Variants in RRP12 observed in about 807,000 individuals in gnomAD.
RRP12 encodes RRP12-like protein.
Under a neutral mutation model 157.3 loss-of-function variants are expected in RRP12, and 78 were observed. The ratio of observed to expected loss-of-function variants is 0.50; its 90% confidence interval spans 0.41 to 0.60. RRP12 has a LOEUF of 0.60. Ranked by LOEUF, RRP12 falls within the 20% of genes least tolerant of loss-of-function variation. The pLI is 0.00. For synonymous variants in RRP12, 726 were observed against 670.9 expected, an observed-to-expected ratio of 1.08 and a Z score of -1.27; for missense variants, 1,521 against 1,679.9, an observed-to-expected ratio of 0.91 and a Z score of 1.65.
At chr10:97,372,961 C>T (rs1028008454) in intron 18 of RRP12, 85 bp downstream of exon 18, 1 of 1,487,748 alleles carries the variant, frequency 6.7e-7, no homozygotes, top group African/African-American at 1.4e-5. Flanking sequence ...CCCACGTGAG[C>T]CCTGGTGGGT....
chr10:97,379,473 A>G lies in RRP12; in HGVS notation c.1677-59T>C, dbSNP rs560793952. ...GAGGGGACAGCCCTGAGGGCAGTGC[A>G]TAGCATACTGAGCCCAGGACAGAGT... On this transcript the variant is annotated intron_variant, in intron 14 of 33. Transcript: ENST00000370992. 18 of 1,608,332 alleles carry G rather than the reference A, an allele frequency of 1.1e-5. No individual in the cohort carries two copies. The South Asian group carries it at 2.0e-4, about 18-fold the overall frequency.
At chr10:97,372,923 T>G in intron 18 of RRP12, 120 bp from the exon 19 acceptor site, 1 of 1,431,436 alleles carries the variant, frequency 7.0e-7, no homozygotes, top group Non-Finnish European at 9.6e-7. Context: ...AAGCCATGAC[T>G]GCTGGTATGT....
chr10:97,395,479 G>C (rs1844933115), intron 3 of RRP12, among the ~76,000 whole-genome samples: 1 of 151,660 alleles, frequency 6.6e-6, no homozygotes, highest in South Asian at 2.1e-4. Flanking sequence ...TTGATACCAT[G>C]AGACAGAGGT....
At chr10:97,368,530 G>T (rs886826397) in intron 25 of RRP12, among the ~76,000 whole-genome samples, 10 of 150,294 alleles carry the variant, frequency 6.7e-5, no homozygotes, top group Non-Finnish European at 1.3e-4. Flanking sequence ...GCTAATTTTT[G>T]TATTTTTAGT....
At chr10:97,370,382 A>G (rs1844109430) in intron 23 of RRP12, 73 bp downstream of exon 23, 5 of 1,376,490 alleles carry the variant, frequency 3.6e-6, no homozygotes, top group African/African-American at 2.9e-5. Context: ...AGCTCTCCCC[A>G]CCTTTTTTGA....
At chr10:97,356,536 T>A (rs972105406), downstream of RRP12, 2 of 152,246 alleles carry the variant, frequency 1.3e-5, no homozygotes, top group African/African-American at 2.4e-5. Context: ...AGGTGGGTGC[T>A]CCCGGGCAAG....
chr10:97,372,010 C>A (rs1335570850), intron 20 of RRP12, 63 bp downstream of exon 20: 2 of 1,177,998 alleles, frequency 1.7e-6, no homozygotes, highest in South Asian at 1.3e-5. Flanking sequence ...ACAGGCCCCA[C>A]CTTCCCACAG....
At position 97,367,137 on chromosome 10, in the gene RRP12, C is replaced by G; in HGVS notation, c.2956-5G>C. 1.2e-6 allele frequency: 2 copies of G among 1,613,614 alleles called. No homozygotes were observed. Among genetic ancestry groups the G allele is most frequent in the Middle Eastern group, 1.7e-4 (1 of 6,060 alleles). On this transcript the variant is annotated splice_polypyrimidine_tract_variant and splice_region_variant and intron_variant, in intron 25 of 33. Coordinates refer to ENST00000370992, the MANE Select transcript of RRP12 (RefSeq NM_015179.4). ...AAGCTTCCCAATGGCTTCCATCTGC[C>G]GGACAGAGCACCAGGCTTTCAGGGA...
rs781181626 is a variant in RRP12 at position 97,373,007 on chromosome 10, G to A, written c.2181+39C>T. On this transcript the variant is annotated intron_variant, in intron 18 of 33. Coordinates refer to ENST00000370992, the MANE Select transcript of RRP12 (RefSeq NM_015179.4). ...CCTCTCTGACCCTGCCCACCTGAGA[G>A]CTCCCCTCCTCCCTCCTTCCCTCCC... The A allele has an allele frequency of 2.5e-6, 4 of 1,573,660 alleles. No homozygotes were observed. In the Admixed American group the frequency reaches 7.3e-5, roughly 29 times the overall value.
In RRP12 at chr10:97,372,061, C is replaced by T; in HGVS notation, c.2343+12G>A. Reference sequence around the variant, plus strand: ...GCGTGGCTGTGTGGCGCTCCTGGCCCCCGAGGCTCACCTCTAGGTAGGGCC... The same window carrying T: ...GCGTGGCTGTGTGGCGCTCCTGGCCTCCGAGGCTCACCTCTAGGTAGGGCC... On this transcript the variant is annotated intron_variant, in intron 20 of 33. Coordinates refer to ENST00000370992, the MANE Select transcript of RRP12 (RefSeq NM_015179.4). 1 of 1,604,558 alleles carries T rather than the reference C, an allele frequency of 6.2e-7. No homozygotes were observed. The highest frequency in any genetic ancestry group is 8.5e-7 in the Non-Finnish European group (1 of 1,173,282).
intron 20 of RRP12, 165 bp from the exon 21 acceptor site, chr10:97,371,246 G>A (rs1014567809): frequency 2.8e-6 from 2 of 719,428 alleles, no homozygotes; most frequent in South Asian, 1.9e-5. Context: ...CTAACTCCTG[G>A]GCGAGGCACA....
intron 6 of RRP12, 35 bp from the exon 7 acceptor site, chr10:97,388,659 T>C (rs368509901): frequency 9.5e-5 from 153 of 1,606,542 alleles, no homozygotes; most frequent in Non-Finnish European, 1.3e-4. Flanking sequence ...CAAGGCCAGA[T>C]CAGCGTTCCA....
chr10:97,375,261 TA>T (rs11378492), intron 15 of RRP12, among the ~76,000 whole-genome samples: 32 of 137,282 alleles, frequency 2.3e-4, no homozygotes, highest in South Asian at 2.4e-4. Flanking sequence ...CCTGGCTAAC[TA>T]AAAAAAAAAA....
Position 97,381,834 on chromosome 10 carries a change from G to A in RRP12, c.1209-8C>T. On this transcript the variant is annotated splice_polypyrimidine_tract_variant and splice_region_variant and intron_variant, in intron 10 of 33. Transcript: ENST00000370992. ...CCCAGGTCCCACTGCAACCTGTCAA[G>A]ACAAAAGGTTTCTGTGGGGCCTGGC... is the stretch of plus-strand genomic sequence containing the variant. 1.2e-6 allele frequency: 2 copies of A among 1,610,022 alleles called. No homozygotes were observed. The highest frequency in any genetic ancestry group is 1.7e-6 in the Non-Finnish European group (2 of 1,176,454).
At chr10:97,379,527 C>T in intron 14 of RRP12, 101 bp downstream of exon 14, 2 of 1,589,038 alleles carry the variant, frequency 1.3e-6, no homozygotes, top group Admixed American at 1.7e-5. Flanking sequence ...TCCTGCTGAG[C>T]CCTGCACTGA....
intron 29 of RRP12, among the ~76,000 whole-genome samples, chr10:97,365,025 C>T (rs1024952123): frequency 1.3e-5 from 2 of 152,148 alleles, no homozygotes; most frequent in African/African-American, 4.8e-5. Flanking sequence ...ACGCTGTCCC[C>T]ATTACACCGA....
chr10:97,367,863 C>T (rs1487069117), intron 25 of RRP12, among the ~76,000 whole-genome samples: 1 of 152,072 alleles, frequency 6.6e-6, no homozygotes, highest in African/African-American at 2.4e-5. Flanking sequence ...TCCTGAATAG[C>T]TGGGATTACA....
intron 31 of RRP12, among the ~76,000 whole-genome samples, chr10:97,359,924 A>C (rs1843800176): frequency 6.6e-6 from 1 of 152,222 alleles, no homozygotes; most frequent in Non-Finnish European, 1.5e-5. Context: ...CAGCTACTGG[A>C]ATCAGAGGCT....
In RRP12 at chr10:97,381,469, T is replaced by C. The variant is rs1844465376; in HGVS notation, c.1335A>G (p.Glu445=). The C allele has an allele frequency of 1.4e-5, 22 of 1,612,136 alleles. No homozygotes were observed. The East Asian group carries it at 4.9e-4, about 36-fold the overall frequency. ...ATQSLKEILK[E]CVAPHMADIG... ...TGTCAGCCATGTGGGGAGCCACGCA[T>C]TCCTTCAGGATCTCCTGCGAAGAGA... Residue 445 remains glutamate, a synonymous_variant, in exon 12 of 34, where the codon GAA becomes GAG. Coordinates refer to ENST00000370992, the MANE Select transcript of RRP12 (RefSeq NM_015179.4).
Sources: allele counts gnomAD v4.1 joint callset (sites outside exome capture counted in the v4.1 genomes callset), GRCh38; gene constraint gnomAD v4.1.1; transcripts MANE v1.5; gene names NCBI Gene and HGNC (gene_info 2026-07-23, HGNC 2026-07-21).